Variants in ZNF718 observed in about 807,000 individuals in gnomAD.
ZNF718 encodes the protein zinc finger protein 718.
A neutral mutation model predicts 2.6 loss-of-function variants in ZNF718; 3 were observed. That is an observed-to-expected ratio of 1.16 (90% confidence interval 0.53 to 3.01). The LOEUF is 3.01. Among genes scored for constraint, ZNF718 ranks in the 30% most tolerant of loss-of-function variants. The pLI is 0.03. For missense variants in ZNF718, 468 were observed against 230.0 expected, an observed-to-expected ratio of 2.03 and a Z score of -6.69; for synonymous variants, 135 against 77.9, an observed-to-expected ratio of 1.73 and a Z score of -3.86.
chr4:177,347 C>T (rs976835692), intron 3 of ZNF718, among the ~76,000 whole-genome samples: 2 of 152,158 alleles, frequency 1.3e-5, no homozygotes, highest in Admixed American at 6.6e-5. Flanking sequence ...GGAATAAATT[C>T]GCCTTATGCT....
At chr4:133,187 AAAAAAAAAATATATATATATATAT>A (rs1211834774) in intron 3 of ZNF718, among the ~76,000 whole-genome samples, 3 of 23,296 alleles carry the variant, frequency 1.3e-4, no homozygotes, top group African/African-American at 5.7e-4. Flanking sequence ...TAAAAAAAAA[AAAAAAAAAATATATATATATATAT>A]ATATATATAT....
chr4:164,144 T>C lies in ZNF718; in HGVS notation c.*2022T>C, dbSNP rs1480811292. Among the ~76,000 whole-genome samples the C allele has an allele frequency of 1.3e-5, 2 of 152,184 alleles. No individual in the cohort carries two copies. The highest frequency in any genetic ancestry group is 2.4e-5 in the African/African-American group (1 of 41,578). ...GACATTTCTGTGTCCTGAATAAATA[T>C]GTTTTTAAATGTTCCATATTTTTCT... is the stretch of plus-strand genomic sequence containing the variant. On this transcript the variant is annotated 3_prime_UTR_variant, in exon 4 of 4. Coordinates refer to ENST00000510175, the MANE Select transcript of ZNF718 (RefSeq NM_001039127.6).
chr4:201,051 T>G (rs979317668), intron 3 of ZNF718: 1 of 152,218 alleles, frequency 6.6e-6, no homozygotes, highest in Admixed American at 6.5e-5. Context: ...AGAATATGTT[T>G]GTCATCAAGC....
At chr4:173,465 CCTCAG>C (rs1463986818) in intron 3 of ZNF718, among the ~76,000 whole-genome samples, 5 of 152,262 alleles carry the variant, frequency 3.3e-5, no homozygotes, top group African/African-American at 1.2e-4. Context: ...TCTTTGGGAA[CCTCAG>C]CTCAGCAGTC....
At chr4:134,251 A>G (rs1446446660) in intron 3 of ZNF718, among the ~76,000 whole-genome samples, 4 of 152,110 alleles carry the variant, frequency 2.6e-5, no homozygotes, top group East Asian at 1.9e-4. Flanking sequence ...GGTTCACACC[A>G]TTCTCCTGCC....
At chr4:171,042 G>T (rs1251409963) in intron 3 of ZNF718, among the ~76,000 whole-genome samples, 1 of 152,172 alleles carries the variant, frequency 6.6e-6, no homozygotes, top group Non-Finnish European at 1.5e-5. Context: ...TGTCCTTTCT[G>T]TTTGTTAGTT....
intron 3 of ZNF718, among the ~76,000 whole-genome samples, chr4:176,878 C>G (rs1717355273): frequency 6.6e-6 from 1 of 152,166 alleles, no homozygotes; most frequent in Non-Finnish European, 1.5e-5. Context: ...ACTGGGCAGC[C>G]AAAATGGACA....
At chr4:168,847 T>C (rs1553817442), downstream of ZNF718, among the ~76,000 whole-genome samples, 1 of 152,246 alleles carries the variant, frequency 6.6e-6, no homozygotes, top group Non-Finnish European at 1.5e-5. Flanking sequence ...TGTGTCTCTA[T>C]CTCCTTCAAT....
At chr4:151,424 C>G (rs1716317061) in intron 3 of ZNF718, among the ~76,000 whole-genome samples, 1 of 151,822 alleles carries the variant, frequency 6.6e-6, no homozygotes, top group Non-Finnish European at 1.5e-5. Context: ...CAATTACAGT[C>G]TTTTCAATAA....
rs1271962849 is a variant in ZNF718, at chr4:132,446, G to A, written c.226+941G>A. Reference sequence around the variant, plus strand: ...CTGACTGCTGTTCATTGCTTTTGGGGACCTGGGAACATTTGTATTATTGAG... The same window carrying A: ...CTGACTGCTGTTCATTGCTTTTGGGAACCTGGGAACATTTGTATTATTGAG... On this transcript the variant is annotated intron_variant, in intron 3 of 3. Coordinates refer to ENST00000510175, the MANE Select transcript of ZNF718 (RefSeq NM_001039127.6). Among the ~76,000 whole-genome samples the A allele has an allele frequency of 4.8e-5, 5 of 103,618 alleles. 2 individuals are homozygous for A. The highest frequency in any genetic ancestry group is 1.0e-4 in the African/African-American group (3 of 29,800). The allele number at this position is 103,618 out of a possible 152,430, so 68.0% of individuals were successfully genotyped here. A position where few individuals can be genotyped will look rare whatever the true frequency, so the allele number is the denominator to read the frequency against.
chr4:190,067 C>T (rs540785166), intron 3 of ZNF718, among the ~76,000 whole-genome samples: 1 of 152,216 alleles, frequency 6.6e-6, no homozygotes, highest in Admixed American at 6.5e-5. Flanking sequence ...CCACAGTCTT[C>T]TTTATTTGTG....
At chr4:152,421 T>G (rs7667594) in intron 3 of ZNF718, among the ~76,000 whole-genome samples, 1,855 of 119,482 alleles carry the variant, frequency 0.016, 67 homozygotes, top group African/African-American at 0.057. Context: ...CTTCCGCAGT[T>G]TTTGTGTCCC....
At chr4:153,681 A>G (rs995070888) in intron 3 of ZNF718, among the ~76,000 whole-genome samples, 13 of 152,192 alleles carry the variant, frequency 8.5e-5, no homozygotes, top group East Asian at 3.8e-4. Flanking sequence ...GCAAAATTCA[A>G]CATGCATTTG....
intron 3 of ZNF718, among the ~76,000 whole-genome samples, chr4:174,586 T>C (rs1292749052): frequency 6.6e-6 from 1 of 152,216 alleles, no homozygotes; most frequent in Non-Finnish European, 1.5e-5. Context: ...AGTTAATTAA[T>C]TCAGCCTGTT....
At chr4:159,640 A>T in intron 3 of ZNF718, among the ~76,000 whole-genome samples, 1 of 151,208 alleles carries the variant, frequency 6.6e-6, no homozygotes, top group Non-Finnish European at 1.5e-5. Context: ...CACCTTCATG[A>T]CTTGTTTTTT....
At chr4:194,324 CT>C (rs782491200) in intron 3 of ZNF718, among the ~76,000 whole-genome samples, 11 of 152,184 alleles carry the variant, frequency 7.2e-5, no homozygotes, top group Non-Finnish European at 1.5e-4. Context: ...CTTCCTTTCC[CT>C]GTGTTACAGT....
intron 3 of ZNF718, among the ~76,000 whole-genome samples, chr4:177,382 T>C (rs573352568): frequency 4.8e-4 from 73 of 152,314 alleles, no homozygotes; most frequent in African/African-American, 1.6e-3. Context: ...GTTTCTGGGT[T>C]AACAGATTAA....
At chr4:176,812 A>G (rs551761529) in intron 3 of ZNF718, among the ~76,000 whole-genome samples, 1 of 152,336 alleles carries the variant, frequency 6.6e-6, no homozygotes, top group South Asian at 2.1e-4. Flanking sequence ...TATTCAAACT[A>G]ATCACCCATG....
chr4:179,578 G>C (rs1717424639), intron 3 of ZNF718, among the ~76,000 whole-genome samples: 1 of 152,296 alleles, frequency 6.6e-6, no homozygotes, highest in African/African-American at 2.4e-5. Flanking sequence ...ATCATGTAAG[G>C]TGAAGAGAAA....
Sources: gnomAD v4.1 joint callset for allele counts (sites outside exome capture counted in the v4.1 genomes callset) on GRCh38, gnomAD v4.1.1 for gene constraint, MANE v1.5 for transcripts, NCBI Gene and HGNC (gene_info 2026-07-23, HGNC 2026-07-21) for gene names.